The following NPIPA5 variants were observed in gnomAD, a reference collection of about 807,000 sequenced individuals.
NPIPA5 encodes nuclear pore complex-interacting protein family member A5.
Under a neutral mutation model 21.4 loss-of-function variants are expected in NPIPA5, and 6 were observed. The ratio of observed to expected loss-of-function variants is 0.28; its 90% CI spans 0.15 to 0.55. The LOEUF (loss-of-function observed/expected upper bound fraction) is 0.55, where lower values mean the gene tolerates loss of function less well. NPIPA5 is among the 20% of genes least tolerant of loss of function. The pLI, the probability that NPIPA5 is intolerant of heterozygous loss-of-function variation, is 0.93. For missense variants in NPIPA5, 99 were observed against 318.2 expected, an observed-to-expected ratio of 0.31 and a Z score of 5.24; for synonymous variants, 33 against 115.3, an observed-to-expected ratio of 0.29 and a Z score of 4.57.
In NPIPA5 at chr16:15,369,398, G is replaced by C. The variant is rs1359723328; in HGVS notation, c.437+314C>G. On this transcript the variant is annotated intron_variant, in intron 4 of 7. Coordinates refer to ENST00000360151, the MANE Select transcript of NPIPA5 (RefSeq NM_001277325.2). ...TTGAACCCAAAAGGCAGTGAGCTGA[G>C]ATTGTGCCATTGCACTACGGCCTGG... is the stretch of plus-strand genomic sequence containing the variant. Among the ~76,000 whole-genome samples the C allele has an allele frequency of 2.6e-5, 4 of 151,078 alleles. No individual in the cohort carries two copies. In the East Asian group the frequency reaches 5.9e-4, roughly 22 times the overall value.
intron 4 of NPIPA5, among the ~76,000 whole-genome samples, chr16:15,367,404 G>C (rs1212090915): frequency 6.6e-6 from 1 of 152,114 alleles, no homozygotes; most frequent in African/African-American, 2.4e-5. Context: ...GATGGGAATG[G>C]CTCCTAAGTC....
upstream of NPIPA5, among the ~76,000 whole-genome samples, chr16:15,380,179 T>C (rs2050405369): frequency 6.6e-6 from 1 of 152,052 alleles, no homozygotes; most frequent in Admixed American, 6.6e-5. Flanking sequence ...TATTACATGT[T>C]GTAAAATAAA....
chr16:15,366,953 G>T (rs1311080608), intron 4 of NPIPA5, among the ~76,000 whole-genome samples, 193 bp from the exon 5 acceptor site: 1 of 152,056 alleles, frequency 6.6e-6, no homozygotes, highest in Non-Finnish European at 1.5e-5. Flanking sequence ...ACTCTGGCCT[G>T]CTGGCAAGTC....
At chr16:15,380,967 G>T (rs201078037), upstream of NPIPA5, 4 of 1,466,052 alleles carry the variant, frequency 2.7e-6, no homozygotes, top group Non-Finnish European at 3.6e-6. Context: ...CTGACTTTAC[G>T]TGCTGCTGCA....
upstream of NPIPA5, chr16:15,381,068 C>T: frequency 4.6e-6 from 7 of 1,531,980 alleles, no homozygotes; most frequent in Non-Finnish European, 6.1e-6. Context: ...AGAACAGGGG[C>T]TCATGATGAG....
chr16:15,369,018 G>A (rs2050066751), intron 4 of NPIPA5, among the ~76,000 whole-genome samples: 1 of 144,732 alleles, frequency 6.9e-6, no homozygotes, highest in Non-Finnish European at 1.5e-5. Flanking sequence ...GGCCGAATGT[G>A]GTGGCACACA....
At chr16:15,370,580 T>C (rs1459685198) in intron 2 of NPIPA5, among the ~76,000 whole-genome samples, 1 of 143,648 alleles carries the variant, frequency 7.0e-6, no homozygotes, top group Non-Finnish European at 1.5e-5. Flanking sequence ...GGAGAAACGC[T>C]GTCTCTGCTA....
In NPIPA5 at chr16:15,363,836, G is replaced by T; in HGVS notation, c.876C>A (p.Pro292=). ...CTGAGGGTAGAGCTGAGGGTGGAAG[G>T]GGAGTGAGCAGACACTCGGGAGGTG... ...LKTPPECLLT[P]LPPSALPSAD... The change falls in exon 8 of 8, where the codon CCC becomes CCA. Residue 292 remains proline (P), a synonymous_variant. Coordinates refer to ENST00000360151, the MANE Select transcript of NPIPA5 (RefSeq NM_001277325.2). 1 of 1,576,600 alleles carries T rather than the reference G, an allele frequency of 6.3e-7. No homozygotes were observed. Among genetic ancestry groups the T allele is most frequent in the Non-Finnish European group, 8.6e-7 (1 of 1,166,148 alleles).
At chr16:15,379,807 T>C (rs1429776905), upstream of NPIPA5, among the ~76,000 whole-genome samples, 9 of 151,600 alleles carry the variant, frequency 5.9e-5, no homozygotes, top group Non-Finnish European at 1.3e-4. Flanking sequence ...TAGCTGGGCA[T>C]GGTGGCGCAT....
At chr16:15,379,761 A>G (rs548653355), upstream of NPIPA5, among the ~76,000 whole-genome samples, 2 of 152,096 alleles carry the variant, frequency 1.3e-5, no homozygotes, top group Admixed American at 1.3e-4. Context: ...CCTGGCCAAT[A>G]TGGTGAAACC....
intron 2 of NPIPA5, among the ~76,000 whole-genome samples, chr16:15,370,543 G>A (rs868200129): frequency 1.1e-4 from 16 of 145,554 alleles, no homozygotes; most frequent in South Asian, 2.3e-4. Context: ...CCTGAGGTCG[G>A]GAGTTTGAGA....
At chr16:15,381,458 G>C (rs979686980), upstream of NPIPA5, 1 of 975,766 alleles carries the variant, frequency 1.0e-6, no homozygotes, top group African/African-American at 1.8e-5. Context: ...AGTCTAAAAA[G>C]CATTAGTGAT....
At chr16:15,368,543 G>GA (rs1198903075) in intron 4 of NPIPA5, among the ~76,000 whole-genome samples, 1 of 151,496 alleles carries the variant, frequency 6.6e-6, no homozygotes, top group Non-Finnish European at 1.5e-5. Context: ...CTGTGAAAAT[G>GA]AATCTGGAGG....
chr16:15,381,381 G>A (rs1465609403), upstream of NPIPA5: 3 of 529,468 alleles, frequency 5.7e-6, no homozygotes, highest in Non-Finnish European at 7.2e-6. Context: ...CATAATTAGT[G>A]GGATCCATTT....
chr16:15,375,336 C>T lies in NPIPA5; in HGVS notation c.64-1493G>A, dbSNP rs1445344062. On this transcript the variant is annotated intron_variant, in intron 1 of 7. Transcript: ENST00000360151. ...AAAAGAATCCCTCTAAATAATACTTCTCTCTTGGATTATATGAATCTTTGT... is the reference window on the plus strand; with the variant it reads ...AAAAGAATCCCTCTAAATAATACTTTTCTCTTGGATTATATGAATCTTTGT... 2.9e-5 allele frequency among the ~76,000 whole-genome samples: 4 copies of T among 136,364 alleles called. 1 individual carries two copies. The South Asian group carries it at 1.0e-3, about 34-fold the overall frequency. 89.5% of individuals were successfully genotyped at this position (136,364 alleles called of 152,430 possible). A position where few individuals can be genotyped will look rare whatever the true frequency, so the allele number is the denominator to read the frequency against.
At chr16:15,375,941 A>G (rs1194850753) in intron 1 of NPIPA5, among the ~76,000 whole-genome samples, 2 of 150,238 alleles carry the variant, frequency 1.3e-5, no homozygotes, top group Non-Finnish European at 3.0e-5. Context: ...ATTCTTGAAA[A>G]CATCTCAATT....
intron 4 of NPIPA5, among the ~76,000 whole-genome samples, chr16:15,368,518 C>A (rs1191238274): frequency 6.6e-6 from 1 of 151,564 alleles, no homozygotes; most frequent in African/African-American, 2.4e-5. Context: ...TGTAATATGA[C>A]CAAAACATGA....
intron 4 of NPIPA5, among the ~76,000 whole-genome samples, chr16:15,369,451 A>G (rs958435862): frequency 3.5e-5 from 5 of 143,240 alleles, no homozygotes; most frequent in African/African-American, 1.0e-4. Flanking sequence ...CCGTCTCAGG[A>G]AAAAAAAAAA....
chr16:15,379,877 G>A (rs1216428730), upstream of NPIPA5, among the ~76,000 whole-genome samples: 5 of 151,998 alleles, frequency 3.3e-5, no homozygotes, highest in African/African-American at 1.2e-4. Context: ...CCGGGAGACG[G>A]AGGTTGCAGT....
Sources: gnomAD v4.1 joint callset for allele counts (sites outside exome capture counted in the v4.1 genomes callset) on GRCh38, gnomAD v4.1.1 for gene constraint, MANE v1.5 for transcripts, NCBI Gene and HGNC (gene_info 2026-07-23, HGNC 2026-07-21) for gene names.